Variants in ETV5 observed in about 807,000 individuals in gnomAD.
The protein encoded by ETV5 is ETS translocation variant 5.
In ETV5, 10 loss-of-function variants were observed where a neutral mutation model predicts 70.0. The ratio of observed to expected loss-of-function variants is 0.14; its 90% CI spans 0.09 to 0.24. ETV5 has a LOEUF of 0.24. Among genes scored for constraint, ETV5 ranks in the 10% least tolerant of loss-of-function variants. ETV5 has a pLI of 1.00. For synonymous variants in ETV5, 216 were observed against 242.2 expected, an observed-to-expected ratio of 0.89 and a Z score of 1.01; for missense variants, 453 against 651.2, an observed-to-expected ratio of 0.70 and a Z score of 3.31.
In ETV5 at chr3:186,057,496, A is replaced by G; in HGVS notation, c.971-5T>C. 6.2e-7 allele frequency: 1 copy of G among 1,612,442 alleles called. No individual in the cohort carries two copies. Among genetic ancestry groups the G allele is most frequent in the South Asian group, 1.1e-5 (1 of 91,028 alleles). On this transcript the variant is annotated splice_region_variant and splice_polypyrimidine_tract_variant and intron_variant, in intron 9 of 12. Coordinates refer to ENST00000306376, the MANE Select transcript of ETV5 (RefSeq NM_004454.3). The surrounding 1 kb of genome is among the most constrained non-coding windows in gnomAD (Gnocchi z 4.9). ...GATCTTTTTCATATGAAAAACCTGA[A>G]AGAGAATTTAAAAGAAAGACTACGT... is the stretch of plus-strand genomic sequence containing the variant.
At chr3:186,085,815 C>T (rs1333488414) in intron 5 of ETV5, among the ~76,000 whole-genome samples, 4 of 152,146 alleles carry the variant, frequency 2.6e-5, no homozygotes, top group African/African-American at 7.2e-5. Context: ...CGGCAGCCTT[C>T]ACTTTTTGTA....
chr3:186,056,714 T>A (rs1713170497), intron 11 of ETV5, among the ~76,000 whole-genome samples: 2 of 152,196 alleles, frequency 1.3e-5, no homozygotes, highest in African/African-American at 4.8e-5. Context: ...AGAGATAGAC[T>A]ATGGCCCACA....
chr3:186,055,520 C>T (rs774162780), intron 11 of ETV5, among the ~76,000 whole-genome samples: 4 of 152,142 alleles, frequency 2.6e-5, no homozygotes, highest in East Asian at 1.9e-4. Flanking sequence ...TAGACTGAAC[C>T]GAATAGAAGC....
At chr3:186,104,259 G>T (rs1450563070) in intron 5 of ETV5, among the ~76,000 whole-genome samples, 3 of 152,080 alleles carry the variant, frequency 2.0e-5, no homozygotes, top group Non-Finnish European at 4.4e-5. Flanking sequence ...ACTCTGCCTA[G>T]ACCATAAAAG....
At position 186,080,127 on chromosome 3, in the gene ETV5, A is replaced by C. The variant is rs1713896300; in HGVS notation, c.363-23T>G. 3.4e-6 allele frequency: 5 copies of C among 1,456,418 alleles called. No individual in the cohort carries two copies. The East Asian group carries it at 1.3e-4, about 38-fold the overall frequency. 90.2% of individuals were successfully genotyped at this position (1,456,418 alleles called of 1,614,324 possible). A position where few individuals can be genotyped will look rare whatever the true frequency, so the allele number is the denominator to read the frequency against. On this transcript the variant is annotated intron_variant, in intron 6 of 12. Transcript: ENST00000306376. ...GCACTGTAAACAGAAAAAGAGAAGGAACCATTAAGCTGAAATGAAGCCATT... is the reference window on the plus strand; with the variant it reads ...GCACTGTAAACAGAAAAAGAGAAGGCACCATTAAGCTGAAATGAAGCCATT...
chr3:186,108,405 C>T, intron 1 of ETV5: 1 of 819,044 alleles, frequency 1.2e-6, no homozygotes, highest in Non-Finnish European at 1.8e-6. Context: ...CTGAAACTTG[C>T]AAGGCCTGCG....
At chr3:186,061,305 C>T (rs1713298582) in intron 9 of ETV5, among the ~76,000 whole-genome samples, 1 of 152,180 alleles carries the variant, frequency 6.6e-6, no homozygotes, top group Non-Finnish European at 1.5e-5. Context: ...CTGGAGGAAA[C>T]CTGGAAATCT....
chr3:186,078,899 T>TC (rs1177338728), intron 7 of ETV5: 3 of 263,382 alleles, frequency 1.1e-5, no homozygotes, highest in African/African-American at 6.6e-5. Context: ...TAAAATGACC[T>TC]CCAAGTAAAT....
chr3:186,046,801 G>T lies in ETV5; in HGVS notation c.*1838C>A, dbSNP rs1372013209. 8.6e-6 allele frequency: 2 copies of T among 232,346 alleles called. No homozygotes were observed. Among genetic ancestry groups the T allele is most frequent in the African/African-American group, 4.4e-5 (2 of 45,278 alleles). The allele number at this position is 232,346 out of a possible 1,614,324, so 14.4% of individuals were successfully genotyped here. A position where few individuals can be genotyped will look rare whatever the true frequency, so the allele number is the denominator to read the frequency against. ...GCATCTATGTATAGACTATGTGTAGGTTAAGAAAGCTATAAATATGGTTTA... is the reference window on the plus strand; with the variant it reads ...GCATCTATGTATAGACTATGTGTAGTTTAAGAAAGCTATAAATATGGTTTA... On this transcript the variant is annotated 3_prime_UTR_variant, in exon 13 of 13. Coordinates refer to ENST00000306376, the MANE Select transcript of ETV5 (RefSeq NM_004454.3).
At chr3:186,094,441 AT>A (rs1013195228) in intron 5 of ETV5, among the ~76,000 whole-genome samples, 6 of 152,000 alleles carry the variant, frequency 3.9e-5, no homozygotes, top group East Asian at 1.9e-4. Context: ...TAGTAGAGTG[AT>A]TTTTTTTGAC....
intron 7 of ETV5, chr3:186,077,864 TATCACCCCA>T (rs1355668122): frequency 1.4e-5 from 5 of 364,782 alleles, no homozygotes; most frequent in Non-Finnish European, 1.7e-5. Context: ...AGGATCTCTG[TATCACCCCA>T]GTGTGTGTGT....
At chr3:186,098,634 CA>C (rs959537820) in intron 5 of ETV5, among the ~76,000 whole-genome samples, 7 of 151,232 alleles carry the variant, frequency 4.6e-5, no homozygotes, top group Middle Eastern at 3.4e-3. Flanking sequence ...AAGTACAAGG[CA>C]AAAAAAACTG....
intron 7 of ETV5, among the ~76,000 whole-genome samples, chr3:186,067,773 G>A (rs1396215031): frequency 6.6e-6 from 1 of 151,880 alleles, no homozygotes; most frequent in Non-Finnish European, 1.5e-5. Context: ...AAAAGACATC[G>A]GAAACAAAAC....
chr3:186,107,659 T>G (rs2108447427), intron 1 of ETV5, among the ~76,000 whole-genome samples: 1 of 152,304 alleles, frequency 6.6e-6, no homozygotes, highest in Non-Finnish European at 1.5e-5. Flanking sequence ...CCACTTCCTT[T>G]GCCCCCCCAC....
chr3:186,073,267 G>A (rs1713689103), intron 7 of ETV5, among the ~76,000 whole-genome samples: 1 of 152,214 alleles, frequency 6.6e-6, no homozygotes, highest in African/African-American at 2.4e-5. Context: ...ATTTAAGGAA[G>A]TGTCCTTTAG....
chr3:186,098,587 T>G (rs752529874), intron 5 of ETV5, among the ~76,000 whole-genome samples: 1 of 152,036 alleles, frequency 6.6e-6, no homozygotes, highest in South Asian at 2.1e-4. Flanking sequence ...TGTGGAGATC[T>G]AAGGTTGGAG....
Position 186,048,201 on chromosome 3 carries a change from TAC to T in ETV5, c.*436_*437del, listed in dbSNP as rs1712927914. The T allele has an allele frequency of 4.0e-6, 1 of 247,784 alleles. No homozygotes were observed. The highest frequency in any genetic ancestry group is 7.9e-6 in the Non-Finnish European group (1 of 126,522). The allele number at this position is 247,784 out of a possible 1,614,324, so 15.3% of individuals were successfully genotyped here. A position where few individuals can be genotyped will look rare whatever the true frequency, so the allele number is the denominator to read the frequency against. ...TTGAGCCTCCCCAACTTAGCCTACT[TAC>T]TTTTCTATGGGTTTGTGATTTTTCA... On this transcript the variant is annotated 3_prime_UTR_variant, in exon 13 of 13. Coordinates refer to ENST00000306376, the MANE Select transcript of ETV5 (RefSeq NM_004454.3).
At chr3:186,089,419 A>G (rs540564613) in intron 5 of ETV5, among the ~76,000 whole-genome samples, 47 of 152,326 alleles carry the variant, frequency 3.1e-4, no homozygotes, top group African/African-American at 1.0e-3. Flanking sequence ...TCATCCACAA[A>G]TGGTAAAATC....
rs188899184 is a variant in ETV5 at position 186,056,324 on chromosome 3, G to T, written c.1209+751C>A. On this transcript the variant is annotated intron_variant, in intron 11 of 12. Coordinates refer to ENST00000306376, the MANE Select transcript of ETV5 (RefSeq NM_004454.3). ...CACAGGGTCTCGCTCTGTCACCCAG[G>T]CTCAATCGATCCTCCCTGCCTCAGT... Among the ~76,000 whole-genome samples the T allele has an allele frequency of 2.1e-3, 326 of 152,190 alleles. 1 individual carries two copies. Among genetic ancestry groups the T allele is most frequent in the Middle Eastern group, 0.01 (3 of 294 alleles).
Sources: gnomAD v4.1 joint callset for allele counts (sites outside exome capture counted in the v4.1 genomes callset) on GRCh38, gnomAD v4.1.1 for gene constraint, Gnocchi (gnomAD v3.1) non-coding constraint, MANE v1.5 for transcripts, NCBI Gene and HGNC (gene_info 2026-07-23, HGNC 2026-07-21) for gene names.